Variants in SUPT6H observed in about 807,000 individuals in gnomAD.
The protein encoded by SUPT6H is transcription elongation factor SPT6.
In SUPT6H, 11 loss-of-function variants were observed where a neutral mutation model predicts 222.3. The observed-to-expected ratio is 0.05, with a 90% CI of 0.03 to 0.08. SUPT6H has a LOEUF of 0.08. Among genes scored for constraint, SUPT6H ranks in the 10% least tolerant of loss-of-function variants. The probability of loss-of-function intolerance (pLI) is 1.00; values close to 1 mark genes in which losing one functional copy is unlikely to be tolerated. For synonymous variants in SUPT6H, 762 were observed against 801.2 expected, an observed-to-expected ratio of 0.95 and a Z score of 0.83; for missense variants, 1,422 against 2,216.0, an observed-to-expected ratio of 0.64 and a Z score of 7.19.
At position 28,687,465 on chromosome 17, in the gene SUPT6H, C is replaced by T. The variant is rs28588628; in HGVS notation, c.3000C>T (p.Leu1000=). The T allele has an allele frequency of 1.2e-6, 2 of 1,613,736 alleles. No homozygotes were observed. The highest frequency in any genetic ancestry group is 3.3e-5 in the Admixed American group (2 of 59,964). Residue 1000 remains leucine, a synonymous_variant, in exon 23 of 37, where the codon CTC becomes CTT. Transcript: ENST00000314616. The part of the protein sequence containing the change: ...CGLGPRKGTH[L]LKILKQNNTR... The stretch of plus-strand genomic sequence containing the variant: ...TGGGACCTCGGAAAGGGACCCACCT[C>T]CTGAAGGTAGGATTGGAGTGAATTC...
chr17:28,678,205 G>A lies in SUPT6H; in HGVS notation c.1116+13G>A. On this transcript the variant is annotated intron_variant, in intron 9 of 36. Coordinates refer to ENST00000314616, the MANE Select transcript of SUPT6H (RefSeq NM_003170.5). ...TCAGCATTTTGAGGTAACACCTCAA[G>A]CTCTGGTGGCCCATTGGTGAGAAAT... 1 of 1,592,148 alleles carries A rather than the reference G, an allele frequency of 6.3e-7. No homozygotes were observed. The highest frequency in any genetic ancestry group is 8.6e-7 in the Non-Finnish European group (1 of 1,163,658).
rs1012759252 is a variant in SUPT6H, at chr17:28,675,171, T to A, written c.538+9T>A. 1.2e-6 allele frequency: 2 copies of A among 1,602,240 alleles called. No individual in the cohort carries two copies. The highest frequency in any genetic ancestry group is 1.7e-6 in the Non-Finnish European group (2 of 1,175,534). On this transcript the variant is annotated intron_variant, in intron 5 of 36. Transcript: ENST00000314616. ...AGATGATGAGGAGTCAGGTATGTTATATTGGGCAGGGAAGCCAGTGTTTGG... is the reference window on the plus strand; with the variant it reads ...AGATGATGAGGAGTCAGGTATGTTAAATTGGGCAGGGAAGCCAGTGTTTGG...
chr17:28,690,261 C>A (rs1473801658), intron 26 of SUPT6H, 32 bp downstream of exon 26: 2 of 1,610,054 alleles, frequency 1.2e-6, no homozygotes, highest in African/African-American at 2.7e-5. Flanking sequence ...TTATTGGGGG[C>A]AGGAGGTGTG....
At chr17:28,669,241 C>T (rs1430320696) in intron 1 of SUPT6H, among the ~76,000 whole-genome samples, 1 of 152,246 alleles carries the variant, frequency 6.6e-6, no homozygotes, top group South Asian at 2.1e-4. Context: ...GTCTCACTGT[C>T]GGTGCAGTAG....
chr17:28,687,116 T>C lies in SUPT6H; in HGVS notation c.2729T>C (p.Leu910Pro). The C allele has an allele frequency of 6.2e-7, 1 of 1,613,814 alleles. No homozygotes were observed. The highest frequency in any genetic ancestry group is 8.5e-7 in the Non-Finnish European group (1 of 1,180,040). The stretch of plus-strand genomic sequence containing the variant: ...GAGTTCCGGGATTATCCTCCAGTGC[T>C]GAGACAGGCCGTCTCCCTGGCCCGG... ...EAEFRDYPPV[L>P]RQAVSLARRI... Residue 910 changes from leucine to proline, a missense_variant, in exon 22 of 37, where the codon CTG (leucine) becomes CCG (proline). This residue lies in a region of SUPT6H where 294 missense variants were observed against 382.1 expected (regional missense o/e 0.77). Coordinates refer to ENST00000314616, the MANE Select transcript of SUPT6H (RefSeq NM_003170.5).
At chr17:28,696,784 CT>C in intron 29 of SUPT6H, 59 bp from the exon 30 acceptor site, 2 of 1,477,310 alleles carry the variant, frequency 1.4e-6, no homozygotes, top group Non-Finnish European at 1.9e-6. Flanking sequence ...CTGGTTTGTC[CT>C]GTTGCTGCCA....
chr17:28,691,723 A>G (rs1383357914), intron 27 of SUPT6H: 3 of 150,904 alleles, frequency 2.0e-5, no homozygotes, highest in Admixed American at 2.0e-4. Context: ...GGTGGCGGCC[A>G]CCTGTAGTCC....
At position 28,686,680 on chromosome 17, in the gene SUPT6H, T is replaced by C; in HGVS notation, c.2591T>C (p.Val864Ala). The C allele has an allele frequency of 6.2e-7, 1 of 1,602,846 alleles. No individual in the cohort carries two copies. ...NRDAQMLIEDVKRIVHELDQG... is the reference protein window; with the variant it reads ...NRDAQMLIEDAKRIVHELDQG... The stretch of plus-strand genomic sequence containing the variant: ...GACGCCCAGATGTTGATTGAAGATG[T>C]GAAGCGCATTGTACATGAGCTGGAC... Residue 864 changes from valine to alanine, a missense_variant, in exon 21 of 37, where the codon GTG (valine) becomes GCG (alanine). Around this residue, in one of 13 missense-constraint regions of SUPT6H, gnomAD observed 294 missense variants for 382.1 expected, o/e 0.77. Coordinates refer to ENST00000314616, the MANE Select transcript of SUPT6H (RefSeq NM_003170.5).
chr17:28,701,187 G>A, intron 36 of SUPT6H, 59 bp downstream of exon 36: 1 of 1,541,126 alleles, frequency 6.5e-7, no homozygotes, highest in Admixed American at 1.9e-5. Flanking sequence ...GTTGTCAAGA[G>A]GCCGAAAGGC....
At chr17:28,677,422 A>G (rs1305233337) in intron 7 of SUPT6H, among the ~76,000 whole-genome samples, 2 of 150,730 alleles carry the variant, frequency 1.3e-5, no homozygotes, top group African/African-American at 2.4e-5. Flanking sequence ...GCGGGCACCT[A>G]TGATCCTAGC....
rs1204884524 is a variant in SUPT6H, at chr17:28,673,452, T to C, written c.51T>C (p.Asn17=). The C allele has an allele frequency of 9.9e-6, 16 of 1,614,018 alleles. No homozygotes were observed. The highest frequency in any genetic ancestry group is 1.3e-5 in the Non-Finnish European group (15 of 1,180,016). Residue 17 remains asparagine, a synonymous_variant, in exon 2 of 37, where the codon AAT becomes AAC. Transcript: ENST00000314616. The stretch of plus-strand genomic sequence containing the variant: ...CTGAGGAGTCAGAGGAAGAATACAA[T>C]GATGAAGGCGAGGTGGTACCCCGAG... ...SEAEESEEEY[N]DEGEVVPRVT...
In SUPT6H at chr17:28,684,596, G is replaced by T. The variant is rs374541958; in HGVS notation, c.2240G>T (p.Arg747Leu). Residue 747 changes from arginine (R) to leucine (L), a missense_variant, in exon 18 of 37, where the codon CGA (arginine) becomes CTA (leucine). By Grantham distance (102) the Arg-to-Leu change is moderately radical (BLOSUM62 -2). This residue lies in a region of SUPT6H where 294 missense variants were observed against 382.1 expected (regional missense o/e 0.77). Transcript: ENST00000314616. ...AKEYVIKACS[R>L]KLYNWLRVAP... ...TGTCTCTTCCCTCAGGCCTGTAGTC[G>T]AAAGCTCTACAATTGGTTGAGAGTG... 6.2e-7 allele frequency: 1 copy of T among 1,614,098 alleles called. No individual in the cohort carries two copies. Among genetic ancestry groups the T allele is most frequent in the Non-Finnish European group, 8.5e-7 (1 of 1,180,030 alleles).
chr17:28,696,244 C>G (rs1432270570), intron 29 of SUPT6H, among the ~76,000 whole-genome samples: 1 of 144,718 alleles, frequency 6.9e-6, no homozygotes, highest in African/African-American at 2.6e-5. Flanking sequence ...TTGCAGTGAG[C>G]CAAAATTGCA....
chr17:28,665,066 T>C (rs2029934934), intron 1 of SUPT6H, among the ~76,000 whole-genome samples: 1 of 152,316 alleles, frequency 6.6e-6, no homozygotes, highest in Admixed American at 6.5e-5. Flanking sequence ...TGTAACAGAA[T>C]TGGATCAGGG....
chr17:28,667,433 A>ATATG (rs1555546925), intron 1 of SUPT6H, among the ~76,000 whole-genome samples: 18 of 134,914 alleles, frequency 1.3e-4, no homozygotes, highest in East Asian at 4.2e-4. Flanking sequence ...ATATATATAT[A>ATATG]TATGTATGTG....
intron 10 of SUPT6H, 81 bp downstream of exon 10, chr17:28,678,715 C>T (rs2030907433): frequency 6.2e-7 from 1 of 1,610,862 alleles, no homozygotes; most frequent in African/African-American, 1.3e-5. Context: ...CCCAAACCCC[C>T]CAGGCCTGTC....
At chr17:28,680,643 G>T (rs1567692904) in intron 11 of SUPT6H, among the ~76,000 whole-genome samples, 2 of 151,880 alleles carry the variant, frequency 1.3e-5, no homozygotes, top group South Asian at 2.1e-4. Context: ...ATGTGTCTTG[G>T]TTTTGTTTTT....
In SUPT6H at chr17:28,688,326, A is replaced by G; in HGVS notation, c.3134+108A>G. 1 of 1,380,196 alleles carries G rather than the reference A, an allele frequency of 7.2e-7. No individual in the cohort carries two copies. Among genetic ancestry groups the G allele is most frequent in the Non-Finnish European group, 9.6e-7 (1 of 1,040,964 alleles). The allele number at this position is 1,380,196 out of a possible 1,614,324, so 85.5% of individuals were successfully genotyped here. On this transcript the variant is annotated intron_variant, in intron 24 of 36. Transcript: ENST00000314616. This position sits in a 1 kb window ranked among gnomAD's most constrained non-coding sequence, Gnocchi z 4.3. ...GGCCACAAGCCATTTTAACTTAGGAAATGTTTTAAAGAAAAGGTAAGGAAC... is the reference window on the plus strand; with the variant it reads ...GGCCACAAGCCATTTTAACTTAGGAGATGTTTTAAAGAAAAGGTAAGGAAC...
At chr17:28,684,542 T>A (rs57529153) in intron 17 of SUPT6H, 44 bp from the exon 18 acceptor site, 151,094 of 1,610,978 alleles carry the variant, frequency 0.094, 7,655 homozygotes, top group South Asian at 0.15. Context: ...CTGATGACCA[T>A]AATGTCATCA....
Sources: allele counts gnomAD v4.1 joint callset (sites outside exome capture counted in the v4.1 genomes callset), GRCh38; gene constraint gnomAD v4.1.1; regional missense constraint gnomAD v4.1.1; non-coding constraint Gnocchi (gnomAD v3.1); transcripts MANE v1.5; gene names NCBI Gene and HGNC (gene_info 2026-07-23, HGNC 2026-07-21).